The following STARD13 variants were observed in gnomAD, a reference collection of about 807,000 sequenced individuals.
STARD13 encodes StAR related lipid transfer domain containing 13, also known as stAR-related lipid transfer protein 13.
STARD13 carries 62 observed loss-of-function variants against 106.4 expected under a neutral mutation model. The observed-to-expected ratio is 0.58, with a 90% CI of 0.48 to 0.72. The LOEUF is 0.72. Among genes scored for constraint, STARD13 ranks in the 30% least tolerant of loss-of-function variants. The pLI, the probability that STARD13 is intolerant of heterozygous loss-of-function variation, is 0.00. For synonymous variants in STARD13, 565 were observed against 553.0 expected (o/e 1.02, Z -0.31); for missense variants, 1,387 against 1,424.0 (o/e 0.97, Z 0.42).
chr13:33,287,314 G>A (rs1297172649), upstream of STARD13, among the ~76,000 whole-genome samples: 6 of 152,114 alleles, frequency 3.9e-5, no homozygotes, highest in African/African-American at 1.2e-4. Context: ...TAACTGTCCC[G>A]CTATGAGAAT....
the STARD13 span, among the ~76,000 whole-genome samples, chr13:33,508,162 C>A: frequency 6.6e-6 from 1 of 152,320 alleles, no homozygotes; most frequent in African/African-American, 2.4e-5. Flanking sequence ...GCCATTCTCA[C>A]TGCAAGTGGC....
At chr13:33,347,812 G>C (rs1180192461), downstream of STARD13, among the ~76,000 whole-genome samples, 1 of 152,156 alleles carries the variant, frequency 6.6e-6, no homozygotes, top group South Asian at 2.1e-4. Context: ...AGTGATGCGT[G>C]CTGTGGTTGG....
chr13:33,212,515 A>G (rs1887782044), intron 1 of STARD13, among the ~76,000 whole-genome samples: 1 of 152,172 alleles, frequency 6.6e-6, no homozygotes, highest in African/African-American at 2.4e-5. Flanking sequence ...GAGCAGCAAC[A>G]TGTATTAATC....
At chr13:33,676,783 C>G in the STARD13 span, 4 of 152,106 alleles carry the variant, frequency 2.6e-5, no homozygotes, top group African/African-American at 4.8e-5. Flanking sequence ...CACTCCACTC[C>G]CCGAGAAGAG....
At chr13:33,533,087 T>G in the STARD13 span, among the ~76,000 whole-genome samples, 132 of 152,238 alleles carry the variant, frequency 8.7e-4, no homozygotes, top group African/African-American at 3.1e-3. Flanking sequence ...TCACTGGAGA[T>G]TCCAGGCAGA....
chr13:33,555,886 A>G, the STARD13 span, among the ~76,000 whole-genome samples: 2 of 152,314 alleles, frequency 1.3e-5, no homozygotes, highest in African/African-American at 4.8e-5. Context: ...GACCCATTTT[A>G]TAGTCTGACC....
At chr13:33,314,130 T>C (rs1893241132) in intron 1 of STARD13, among the ~76,000 whole-genome samples, 1 of 152,088 alleles carries the variant, frequency 6.6e-6, no homozygotes, top group Non-Finnish European at 1.5e-5. Context: ...TTAGGAGGAA[T>C]ACCGGTAAGG....
chr13:33,130,215 A>G lies in STARD13; in HGVS notation c.462T>C (p.Ser154=), dbSNP rs759130629. 7.4e-6 allele frequency: 12 copies of G among 1,611,404 alleles called. No individual in the cohort carries two copies. Among genetic ancestry groups the G allele is most frequent in the Non-Finnish European group, 1.0e-5 (12 of 1,179,904 alleles). Residue 154 remains serine, a synonymous_variant, in exon 5 of 14, where the codon TCT becomes TCC. Coordinates refer to ENST00000336934, the MANE Select transcript of STARD13 (RefSeq NM_178006.4). This position sits in a 1 kb window ranked among gnomAD's most constrained non-coding sequence, Gnocchi z 4.1. ...GCAGCGTGTAGAGGTCGTCCACACG[A>G]GACCACCTGCGACTGGTTCTTTGGA... ...WTFQRTSRRW[S]RVDDLYTLLP... is the part of the protein sequence containing the mutation.
the STARD13 span, among the ~76,000 whole-genome samples, chr13:33,502,394 T>C: frequency 6.6e-6 from 1 of 152,222 alleles, no homozygotes; most frequent in African/African-American, 2.4e-5. Context: ...TCTGCCTGAT[T>C]GCCCTGGCCA....
the STARD13 span, among the ~76,000 whole-genome samples, chr13:33,669,530 C>CTT: frequency 0.031 from 3,196 of 102,978 alleles, 132 homozygotes; most frequent in African/African-American, 0.069. Context: ...AGAGGATGTT[C>CTT]TTTTTTTTTT....
chr13:33,312,369 TCC>T (rs1566133330), intron 1 of STARD13, among the ~76,000 whole-genome samples: 1 of 152,180 alleles, frequency 6.6e-6, no homozygotes, highest in Non-Finnish European at 1.5e-5. Flanking sequence ...AAGTTGAAAT[TCC>T]CTTGTCAGGG....
chr13:33,475,557 T>C, the STARD13 span, among the ~76,000 whole-genome samples: 1 of 152,178 alleles, frequency 6.6e-6, no homozygotes, highest in Non-Finnish European at 1.5e-5. Context: ...CCTCTGATAA[T>C]CTAGAGAGCT....
At chr13:33,421,610 C>G in the STARD13 span, among the ~76,000 whole-genome samples, 1 of 152,148 alleles carries the variant, frequency 6.6e-6, no homozygotes. Flanking sequence ...CCAACATCAT[C>G]CTGATACCAC....
At chr13:33,536,956 C>A in the STARD13 span, among the ~76,000 whole-genome samples, 1 of 152,164 alleles carries the variant, frequency 6.6e-6, no homozygotes, top group Non-Finnish European at 1.5e-5. Flanking sequence ...ATTAGAGCTG[C>A]TTTAAATTTT....
At chr13:33,671,772 T>C in the STARD13 span, among the ~76,000 whole-genome samples, 1 of 152,000 alleles carries the variant, frequency 6.6e-6, no homozygotes, top group Non-Finnish European at 1.5e-5. Context: ...AATAAATAAA[T>C]ACAATTAAAT....
chr13:33,531,526 AC>A, the STARD13 span, among the ~76,000 whole-genome samples: 6 of 152,126 alleles, frequency 3.9e-5, no homozygotes, highest in Non-Finnish European at 7.4e-5. Context: ...TTTGTCTTGT[AC>A]ATTTCCTTCC....
At chr13:33,337,622 C>T (rs955771644) in intron 1 of STARD13, among the ~76,000 whole-genome samples, 3 of 152,012 alleles carry the variant, frequency 2.0e-5, no homozygotes, top group Admixed American at 1.3e-4. Context: ...GTTCACCTTC[C>T]CCAAAAGCAA....
chr13:33,236,179 T>C (rs1380072354), intron 1 of STARD13, among the ~76,000 whole-genome samples: 1 of 152,236 alleles, frequency 6.6e-6, no homozygotes, highest in East Asian at 1.9e-4. Flanking sequence ...ACTCTATTAT[T>C]GAATGCTTCA....
chr13:33,580,443 G>A, the STARD13 span, among the ~76,000 whole-genome samples: 1 of 152,080 alleles, frequency 6.6e-6, no homozygotes, highest in African/African-American at 2.4e-5. Flanking sequence ...TTTTAGGAAG[G>A]TGAAACTATT....
Sources: gnomAD v4.1 joint callset for allele counts (sites outside exome capture counted in the v4.1 genomes callset) on GRCh38, gnomAD v4.1.1 for gene constraint, Gnocchi (gnomAD v3.1) non-coding constraint, MANE v1.5 for transcripts, NCBI Gene and HGNC (gene_info 2026-07-23, HGNC 2026-07-21) for gene names.